Variants in CDKAL1 observed in about 807,000 individuals in gnomAD.
The protein encoded by CDKAL1 is threonylcarbamoyladenosine tRNA methylthiotransferase.
CDKAL1 carries 32 observed loss-of-function variants against 68.2 expected under a neutral mutation model. The observed-to-expected ratio is 0.47, with a 90% CI of 0.35 to 0.63. The LOEUF (loss-of-function observed/expected upper bound fraction) is 0.63. Ranked by LOEUF, CDKAL1 falls within the 30% of genes least tolerant of loss-of-function variation. The pLI, the probability that CDKAL1 is intolerant of heterozygous loss-of-function variation, is 0.00. For synonymous variants in CDKAL1, 234 were observed against 244.3 expected (o/e 0.96, Z 0.39); for missense variants, 606 against 696.7 (o/e 0.87, Z 1.47).
At chr6:20,736,586 C>T (rs9688471) in intron 5 of CDKAL1, among the ~76,000 whole-genome samples, 18,473 of 151,896 alleles carry the variant, frequency 0.12, 1,429 homozygotes, top group East Asian at 0.34. Context: ...CTGGCTAACA[C>T]GGTGAAACCC....
intron 9 of CDKAL1, among the ~76,000 whole-genome samples, chr6:20,913,645 G>A (rs1414346735): frequency 2.0e-5 from 3 of 152,120 alleles, no homozygotes; most frequent in African/African-American, 7.2e-5. Flanking sequence ...AAATTTCTGA[G>A]GTTCTCTCTT....
At position 20,653,762 on chromosome 6, in the gene CDKAL1, G is replaced by A. The variant is rs184071310; in HGVS notation, c.371+4385G>A. Among the ~76,000 whole-genome samples, 940 of 152,128 alleles carry A rather than the reference G, an allele frequency of 6.2e-3. 6 individuals are homozygous for A. The highest frequency in any genetic ancestry group is 0.011 in the Non-Finnish European group (732 of 67,986). ...CTCGAGTAGGTGGGATTACAGGCGT[G>A]CACCACCACACCCAGCTAATTTTTG... On this transcript the variant is annotated intron_variant, in intron 5 of 15. Transcript: ENST00000274695.
chr6:20,911,361 A>G (rs565491829), intron 9 of CDKAL1, among the ~76,000 whole-genome samples: 1 of 152,326 alleles, frequency 6.6e-6, no homozygotes, highest in Admixed American at 6.5e-5. Flanking sequence ...CCAGTGTATA[A>G]CATTGCAAAA....
intron 8 of CDKAL1, 117 bp downstream of exon 8, chr6:20,781,382 T>C: frequency 1.2e-6 from 1 of 848,632 alleles, no homozygotes; most frequent in Non-Finnish European, 1.8e-6. Flanking sequence ...AAAGAAAAAT[T>C]ACAAAATGTG....
At chr6:20,732,143 T>C (rs1772962751) in intron 5 of CDKAL1, among the ~76,000 whole-genome samples, 1 of 151,944 alleles carries the variant, frequency 6.6e-6, no homozygotes, top group Non-Finnish European at 1.5e-5. Flanking sequence ...CCTTCTGGGC[T>C]CAAACTCTCC....
intron 11 of CDKAL1, among the ~76,000 whole-genome samples, chr6:21,016,623 TCCATCCATCCATCCA>T (rs1285177629): frequency 3.2e-5 from 4 of 123,144 alleles, no homozygotes; most frequent in Non-Finnish European, 7.7e-5. Context: ...CATCCATCCA[TCCATCCATCCATCCA>T]TCCATCCATC....
chr6:21,043,481 G>T (rs899717510), intron 11 of CDKAL1, among the ~76,000 whole-genome samples: 1 of 151,976 alleles, frequency 6.6e-6, no homozygotes, highest in African/African-American at 2.4e-5. Context: ...GAGATATTTT[G>T]TATGCAACAC....
chr6:20,877,154 T>C (rs1760562012), intron 9 of CDKAL1, among the ~76,000 whole-genome samples: 1 of 152,140 alleles, frequency 6.6e-6, no homozygotes, highest in African/African-American at 2.4e-5. Context: ...AAGACTTTTG[T>C]GGTTAGGGAA....
At chr6:20,597,044 T>G (rs1245388590) in intron 4 of CDKAL1, among the ~76,000 whole-genome samples, 1 of 152,224 alleles carries the variant, frequency 6.6e-6, no homozygotes, top group African/African-American at 2.4e-5. Context: ...CCGCCTTCTG[T>G]GTTGATCTGG....
rs112918588 is a variant in CDKAL1 at position 21,216,064 on chromosome 6, G to T, written c.1549-14784G>T. On this transcript the variant is annotated intron_variant, in intron 15 of 15. Coordinates refer to ENST00000274695, the MANE Select transcript of CDKAL1 (RefSeq NM_017774.3). ...GATGGAAGCAGGCTGTGAGCCTAGG[G>T]ATGCAAGCTAGAAAAGGCAAGGCAA... is the stretch of plus-strand genomic sequence containing the variant. 6.7e-3 allele frequency among the ~76,000 whole-genome samples: 1,023 copies of T among 152,238 alleles called. 4 individuals carry two copies. Among genetic ancestry groups the T allele is most frequent in the Non-Finnish European group, 0.01 (695 of 68,010 alleles).
chr6:20,871,050 A>C (rs1395420616), intron 9 of CDKAL1, among the ~76,000 whole-genome samples: 1 of 152,210 alleles, frequency 6.6e-6, no homozygotes, highest in Non-Finnish European at 1.5e-5. Context: ...CCTCATACCC[A>C]CACAATTCCA....
chr6:20,937,624 G>A (rs761298265), intron 9 of CDKAL1, among the ~76,000 whole-genome samples: 6 of 152,040 alleles, frequency 3.9e-5, no homozygotes, highest in African/African-American at 1.2e-4. Context: ...TTTTATAACC[G>A]TAATATTTTT....
chr6:20,753,873 C>G (rs1049903020), intron 6 of CDKAL1, among the ~76,000 whole-genome samples: 6 of 152,000 alleles, frequency 3.9e-5, no homozygotes, highest in African/African-American at 1.2e-4. Context: ...TTCCAAAGTG[C>G]TGCATCATTT....
chr6:20,954,182 C>T (rs1561912592), intron 9 of CDKAL1, among the ~76,000 whole-genome samples: 1 of 151,990 alleles, frequency 6.6e-6, no homozygotes, highest in Non-Finnish European at 1.5e-5. Flanking sequence ...AATCTTTTTG[C>T]TGTGTTTTTT....
intron 5 of CDKAL1, among the ~76,000 whole-genome samples, chr6:20,675,799 A>AC (rs1770064951): frequency 6.6e-6 from 1 of 152,132 alleles, no homozygotes; most frequent in African/African-American, 2.4e-5. Context: ...GATTAAAAAA[A>AC]AAAAGTTAAC....
At chr6:20,848,895 C>T (rs1006418551) in intron 9 of CDKAL1, among the ~76,000 whole-genome samples, 6 of 151,632 alleles carry the variant, frequency 4.0e-5, no homozygotes, top group Non-Finnish European at 7.4e-5. Flanking sequence ...TGGGCTCAAG[C>T]GATCCTCCTG....
chr6:20,854,316 C>T (rs187411177), intron 9 of CDKAL1, among the ~76,000 whole-genome samples: 10 of 152,308 alleles, frequency 6.6e-5, no homozygotes, highest in Admixed American at 5.2e-4. Context: ...TGTTCTGAAT[C>T]CCGAGGCTTC....
intron 13 of CDKAL1, among the ~76,000 whole-genome samples, chr6:21,136,180 C>G (rs1414538799): frequency 6.6e-6 from 1 of 152,142 alleles, no homozygotes; most frequent in Non-Finnish European, 1.5e-5. Flanking sequence ...GTTAGGTGTC[C>G]TCTGTATGCT....
chr6:20,990,865 G>GAT (rs1766754137), intron 10 of CDKAL1, among the ~76,000 whole-genome samples: 1 of 152,216 alleles, frequency 6.6e-6, no homozygotes, highest in Non-Finnish European at 1.5e-5. Flanking sequence ...ACATTGCCTA[G>GAT]AAGTCTTTGT....
Sources: allele counts gnomAD v4.1 joint callset (sites outside exome capture counted in the v4.1 genomes callset), GRCh38; gene constraint gnomAD v4.1.1; transcripts MANE v1.5; gene names NCBI Gene and HGNC (gene_info 2026-07-23, HGNC 2026-07-21).